The following GPBP1 variants were observed in gnomAD, a reference collection of about 807,000 sequenced individuals.
The protein encoded by GPBP1 is vasculin.
Under a neutral mutation model 56.5 loss-of-function variants are expected in GPBP1, and 13 were observed. The observed-to-expected ratio is 0.23, with a 90% CI of 0.15 to 0.37. GPBP1 has a LOEUF of 0.37. GPBP1 is among the 10% of genes least tolerant of loss of function. The pLI is 1.00. For synonymous variants in GPBP1, 204 were observed against 188.9 expected (o/e 1.08, Z -0.66); for missense variants, 477 against 572.3 (o/e 0.83, Z 1.70).
intron 5 of GPBP1, among the ~76,000 whole-genome samples, chr5:57,233,361 T>G (rs1166672004): frequency 2.0e-5 from 3 of 151,990 alleles, no homozygotes; most frequent in Non-Finnish European, 4.4e-5. Flanking sequence ...TAGTGATCTG[T>G]TTTTTCCACT....
chr5:57,222,792 C>G (rs542441833), intron 3 of GPBP1, among the ~76,000 whole-genome samples: 1 of 152,222 alleles, frequency 6.6e-6, no homozygotes, highest in African/African-American at 2.4e-5. Flanking sequence ...TTCGTATCTA[C>G]TTATAATCCC....
intron 3 of GPBP1, among the ~76,000 whole-genome samples, chr5:57,228,693 GA>G (rs1206655608): frequency 6.6e-6 from 1 of 151,418 alleles, no homozygotes; most frequent in African/African-American, 2.4e-5. Flanking sequence ...ATAAGCTGTA[GA>G]AAAATATTTG....
intron 10 of GPBP1, among the ~76,000 whole-genome samples, chr5:57,257,938 T>C (rs578099438): frequency 6.6e-6 from 1 of 152,332 alleles, no homozygotes; most frequent in Non-Finnish European, 1.5e-5. Context: ...TCACTGAAGT[T>C]AAAGATCATA....
intron 5 of GPBP1, among the ~76,000 whole-genome samples, chr5:57,235,005 AAAAATT>A (rs1435038306): frequency 9.9e-5 from 15 of 152,164 alleles, no homozygotes; most frequent in African/African-American, 3.6e-4. Flanking sequence ...TAATGAAAAA[AAAAATT>A]AAAATTATTA....
At chr5:57,225,508 A>AAAAAAAAAC (rs1554069044) in intron 3 of GPBP1, among the ~76,000 whole-genome samples, 4 of 123,630 alleles carry the variant, frequency 3.2e-5, no homozygotes, top group Non-Finnish European at 5.0e-5. Context: ...AAAAAAAAAA[A>AAAAAAAAAC]AAACAAACTG....
rs780591838 is a variant in GPBP1 at position 57,230,900 on chromosome 5, TATG to T, written c.122_124del (p.Asp41del). On this transcript the variant is annotated inframe_deletion, in exon 4 of 12. Transcript: ENST00000506184. ...AAACTTTGCATGGACAGAGAATCGT[TATG>T]ATGTGAACCGTCGACGACACAACTC... 8.1e-6 allele frequency: 13 copies of T among 1,612,736 alleles called. No individual in the cohort carries two copies. The highest frequency in any genetic ancestry group is 1.1e-5 in the Non-Finnish European group (13 of 1,179,394).
chr5:57,237,609 T>C (rs1383833964), intron 6 of GPBP1: 6 of 163,986 alleles, frequency 3.7e-5, no homozygotes, highest in South Asian at 1.6e-4. Context: ...AATGGTTAAT[T>C]GTTAAATTCC....
At chr5:57,237,035 C>G in intron 6 of GPBP1, 3 of 988,402 alleles carry the variant, frequency 3.0e-6, no homozygotes, top group Non-Finnish European at 4.7e-6. Context: ...TGGGGGTGGT[C>G]AGACACTTTT....
chr5:57,231,432 C>T (rs1561359134), intron 5 of GPBP1, 111 bp downstream of exon 5: 1 of 818,074 alleles, frequency 1.2e-6, no homozygotes, highest in Non-Finnish European at 1.9e-6. Context: ...CACCACCAGG[C>T]CCGCCTAATT....
At chr5:57,214,883 A>C (rs974806326) in intron 3 of GPBP1, among the ~76,000 whole-genome samples, 2 of 152,216 alleles carry the variant, frequency 1.3e-5, no homozygotes, top group African/African-American at 4.8e-5. Context: ...GCTGGTCTCT[A>C]ACGCCTGACG....
chr5:57,231,022 A>T, intron 4 of GPBP1, 53 bp downstream of exon 4: 1 of 1,583,494 alleles, frequency 6.3e-7, no homozygotes, highest in Admixed American at 1.9e-5. Flanking sequence ...ATGATTTTTA[A>T]AGAATGTTTT....
At chr5:57,228,482 CTG>C (rs1756294006) in intron 3 of GPBP1, among the ~76,000 whole-genome samples, 1 of 151,514 alleles carries the variant, frequency 6.6e-6, no homozygotes, top group South Asian at 2.1e-4. Flanking sequence ...GCATCTATAT[CTG>C]TATCTCAAAG....
intron 2 of GPBP1, among the ~76,000 whole-genome samples, chr5:57,183,228 G>A (rs1252688622): frequency 6.6e-6 from 1 of 151,996 alleles, no homozygotes; most frequent in African/African-American, 2.4e-5. Flanking sequence ...TTAGCTGGGC[G>A]TGGTGGCACA....
rs747334980 is a variant in GPBP1 at position 57,247,213 on chromosome 5, G to C, written c.802G>C (p.Glu268Gln). Reference protein sequence around the residue: ...NFSPSTNSVKECNRSNSSSPV... With the variant: ...NFSPSTNSVKQCNRSNSSSPV... ...TAGTCCATCTACAAATTCAGTGAAA[G>C]AGGTATGACATTAAAAATCACACTT... is the stretch of plus-strand genomic sequence containing the variant. Residue 268 changes from glutamate to glutamine, a missense_variant and splice_region_variant, in exon 8 of 12, where the codon GAG becomes CAG. Glu to Gln is a conservative substitution (Grantham distance 29, BLOSUM62 2). This residue lies in a region of GPBP1 where 414 missense variants were observed against 458.2 expected (regional missense o/e 0.90). Transcript: ENST00000506184. 6.2e-7 allele frequency: 1 copy of C among 1,610,364 alleles called. No homozygotes were observed. Among genetic ancestry groups the C allele is most frequent in the Non-Finnish European group, 8.5e-7 (1 of 1,178,506 alleles).
intron 2 of GPBP1, 64 bp from the exon 3 acceptor site, chr5:57,214,010 A>AT (rs1332041146): frequency 1.4e-6 from 1 of 721,290 alleles, no homozygotes; most frequent in Non-Finnish European, 2.5e-6. Context: ...GATCATTGTA[A>AT]TATAAAGGCG....
chr5:57,224,631 G>T (rs1375409783), intron 3 of GPBP1, among the ~76,000 whole-genome samples: 1 of 151,992 alleles, frequency 6.6e-6, no homozygotes, highest in African/African-American at 2.4e-5. Context: ...TAGAGATGGG[G>T]TCTTGCTATG....
At chr5:57,231,016 T>C in intron 4 of GPBP1, 47 bp downstream of exon 4, 5 of 1,582,006 alleles carry the variant, frequency 3.2e-6, no homozygotes, top group Non-Finnish European at 4.3e-6. Flanking sequence ...TTCTTTATGA[T>C]TTTTAAAGAA....
At chr5:57,240,671 T>C (rs945440753) in intron 6 of GPBP1, among the ~76,000 whole-genome samples, 1 of 152,106 alleles carries the variant, frequency 6.6e-6, no homozygotes, top group African/African-American at 2.4e-5. Flanking sequence ...ACAAAAATTA[T>C]AATGAGAAAA....
intron 2 of GPBP1, among the ~76,000 whole-genome samples, chr5:57,185,000 T>C (rs554235008): frequency 5.9e-5 from 9 of 152,352 alleles, no homozygotes; most frequent in African/African-American, 2.2e-4. Context: ...CTTGTGTGGT[T>C]ATACCACAAT....
Sources: allele counts gnomAD v4.1 joint callset (sites outside exome capture counted in the v4.1 genomes callset), GRCh38; gene constraint gnomAD v4.1.1; regional missense constraint gnomAD v4.1.1; transcripts MANE v1.5; gene names NCBI Gene and HGNC (gene_info 2026-07-23, HGNC 2026-07-21).